The following SEC61A1 variants were observed in gnomAD, a reference collection of about 807,000 sequenced individuals.
SEC61A1 encodes the protein protein transport protein Sec61 subunit alpha isoform 1.
SEC61A1 carries 15 observed loss-of-function variants against 55.2 expected under a neutral mutation model. The ratio of observed to expected loss-of-function variants is 0.27; its 90% CI spans 0.18 to 0.42. The LOEUF (loss-of-function observed/expected upper bound fraction) is 0.42. Ranked by LOEUF, SEC61A1 falls within the 10% of genes least tolerant of loss-of-function variation. The pLI, the probability that SEC61A1 is intolerant of heterozygous loss-of-function variation, is 1.00. For missense variants in SEC61A1, 284 were observed against 602.6 expected, an observed-to-expected ratio of 0.47 and a Z score of 5.53; for synonymous variants, 247 against 234.0, an observed-to-expected ratio of 1.06 and a Z score of -0.51.
intron 8 of SEC61A1, among the ~76,000 whole-genome samples, chr3:128,065,769 C>G (rs6439111): frequency 0.64 from 86,710 of 136,170 alleles, 27,278 homozygotes; most frequent in East Asian, 0.81. Context: ...CGGAGTCTTG[C>G]TCTGTTGCCC....
chr3:128,064,952 G>A lies in SEC61A1; in HGVS notation c.692G>A (p.Arg231Gln), dbSNP rs1165057749. ...CGCACAGACAAGGTCCGAGCCCTTCGGGAGGCGTTCTACCGCCAGAATCTT... is the reference window on the plus strand; with the variant it reads ...CGCACAGACAAGGTCCGAGCCCTTCAGGAGGCGTTCTACCGCCAGAATCTT... ...ATRTDKVRAL[R>Q]EAFYRQNLPN... Residue 231 changes from arginine (R) to glutamine (Q), a missense_variant, in exon 8 of 12, where the codon CGG (arginine) becomes CAG (glutamine). By Grantham distance (43) the Arg-to-Gln change is conservative. Coordinates refer to ENST00000243253, the MANE Select transcript of SEC61A1 (RefSeq NM_013336.4). 5 of 1,614,182 alleles carry A rather than the reference G, an allele frequency of 3.1e-6. No homozygotes were observed. The highest frequency in any genetic ancestry group is 2.2e-5 in the East Asian group (1 of 44,888).
upstream of SEC61A1, chr3:128,051,662 C>A: frequency 1.4e-6 from 2 of 1,423,786 alleles, no homozygotes; most frequent in Non-Finnish European, 1.8e-6. Flanking sequence ...CATGCTTTGC[C>A]CACAACAGTC....
intron 6 of SEC61A1, 27 bp downstream of exon 6, chr3:128,060,238 T>C: frequency 6.8e-7 from 1 of 1,480,194 alleles, no homozygotes; most frequent in Non-Finnish European, 9.5e-7. Context: ...CATCTCCCTT[T>C]GAGTAGCCCC....
At chr3:128,063,332 C>T (rs568956208) in intron 7 of SEC61A1, among the ~76,000 whole-genome samples, 3 of 152,208 alleles carry the variant, frequency 2.0e-5, no homozygotes, top group East Asian at 3.9e-4. Flanking sequence ...AAATACAGTC[C>T]CTATTTGACT....
intron 6 of SEC61A1, 73 bp downstream of exon 6, chr3:128,060,284 A>G (rs1941833413): frequency 8.4e-7 from 1 of 1,194,418 alleles, no homozygotes; most frequent in Non-Finnish European, 1.2e-6. Context: ...AACGAATCTC[A>G]AGCACACCTA....
chr3:128,061,835 C>T (rs1204339459), intron 7 of SEC61A1, among the ~76,000 whole-genome samples: 2 of 152,084 alleles, frequency 1.3e-5, no homozygotes, highest in Admixed American at 1.3e-4. Flanking sequence ...TTGGGGAGTG[C>T]CTGAGTGGGA....
In SEC61A1 at chr3:128,060,194, C is replaced by T. The variant is rs1941832374; in HGVS notation, c.445C>T (p.Leu149=). The T allele has an allele frequency of 6.2e-7, 1 of 1,611,464 alleles. No individual in the cohort carries two copies. Among genetic ancestry groups the T allele is most frequent in the East Asian group, 2.2e-5 (1 of 44,864 alleles). Residue 149 remains leucine, a synonymous_variant, in exon 6 of 12, where the codon CTG becomes TTG. Coordinates refer to ENST00000243253, the MANE Select transcript of SEC61A1 (RefSeq NM_013336.4). ...TTCTGAAATGGGTGCTGGAATTTGC[C>T]TGCTAATCACCATTCAGGTAATTAT... The part of the protein sequence containing the change: ...DPSEMGAGIC[L]LITIQLFVAG...
At chr3:128,060,299 G>T in intron 6 of SEC61A1, 88 bp downstream of exon 6, 2 of 1,135,382 alleles carry the variant, frequency 1.8e-6, no homozygotes, top group South Asian at 1.3e-5. Context: ...CACCTAAAAG[G>T]AACTCCTACT....
chr3:128,066,206 A>G (rs1941973096), intron 8 of SEC61A1, among the ~76,000 whole-genome samples: 2 of 152,128 alleles, frequency 1.3e-5, no homozygotes, highest in Admixed American at 6.5e-5. Flanking sequence ...GTAAGGAACT[A>G]TTATAAGGTG....
In SEC61A1 at chr3:128,056,745, C is replaced by T. The variant is rs1559794732; in HGVS notation, c.257C>T (p.Thr86Met). 1 of 1,609,298 alleles carries T rather than the reference C, an allele frequency of 6.2e-7. No individual in the cohort carries two copies. The highest frequency in any genetic ancestry group is 8.5e-7 in the Non-Finnish European group (1 of 1,177,752). Residue 86 changes from threonine to methionine, a missense_variant, in exon 5 of 12, where the codon ACG becomes ATG. Physicochemically the swap from Thr to Met is moderately conservative, Grantham distance 81. Transcript: ENST00000243253. ...GAGCTAGGGATCTCTCCTATTGTCA[C>T]GTCTGGCCTTATAATGCAACTCTTG... The part of the protein sequence containing the change: ...LMELGISPIV[T>M]SGLIMQLLAG...
chr3:128,059,127 C>T (rs191697501), intron 5 of SEC61A1, among the ~76,000 whole-genome samples: 17 of 152,152 alleles, frequency 1.1e-4, no homozygotes, highest in African/African-American at 3.9e-4. Flanking sequence ...GTGTCCATTC[C>T]CTTGTGCCTA....
intron 1 of SEC61A1, 86 bp from the exon 2 acceptor site, chr3:128,052,749 C>T (rs750288179): frequency 2.3e-5 from 34 of 1,501,780 alleles, no homozygotes; most frequent in Non-Finnish European, 3.1e-5. Context: ...TGCTCTCACT[C>T]GTCGTGGGCA....
Position 128,067,838 on chromosome 3 carries a change from T to A in SEC61A1, c.1168-145T>A. On this transcript the variant is annotated intron_variant, in intron 10 of 11. Transcript: ENST00000243253. The surrounding 1 kb of genome is among the most constrained non-coding windows in gnomAD (Gnocchi z 4.1). ...CACTGTAAAGTTAGACTTTTTCATA[T>A]GACTTCCTTGCGGCAGTTTTAAAGT... 1.3e-6 allele frequency: 1 copy of A among 743,234 alleles called. No homozygotes were observed. Among genetic ancestry groups the A allele is most frequent in the Non-Finnish European group, 2.3e-6 (1 of 431,978 alleles). 46.0% of individuals were successfully genotyped at this position (743,234 alleles called of 1,614,324 possible).
At chr3:128,054,958 G>T (rs1941750882) in intron 2 of SEC61A1, among the ~76,000 whole-genome samples, 2 of 152,114 alleles carry the variant, frequency 1.3e-5, no homozygotes, top group African/African-American at 4.8e-5. Context: ...TTACTAGTAG[G>T]TTAAACATGC....
Position 128,052,550 on chromosome 3 carries a change from G to C in SEC61A1, c.-3G>C, listed in dbSNP as rs1244415609. 7 of 1,599,658 alleles carry C rather than the reference G, an allele frequency of 4.4e-6. No individual in the cohort carries two copies. Among genetic ancestry groups the C allele is most frequent in the Admixed American group, 3.4e-5 (2 of 58,094 alleles). The stretch of plus-strand genomic sequence containing the variant: ...GGGACCCGGAGCCCGAGCAGCCGCC[G>C]CCATGGCAAGTGAGTCCTGTAGGGA... On this transcript the variant is annotated 5_prime_UTR_variant, in exon 1 of 12. Transcript: ENST00000243253.
chr3:128,052,803 CA>C, intron 1 of SEC61A1, 31 bp from the exon 2 acceptor site: 1 of 1,596,476 alleles, frequency 6.3e-7, no homozygotes, highest in Admixed American at 1.7e-5. Context: ...CTCTGTGTCC[CA>C]ACTCTTCCTG....
upstream of SEC61A1, chr3:128,051,828 C>G (rs1244123775): frequency 3.9e-6 from 6 of 1,535,542 alleles, no homozygotes; most frequent in Non-Finnish European, 5.2e-6. Flanking sequence ...GAAACTCATC[C>G]CATTCGTTCT....
chr3:128,064,733 A>G (rs1399898898), intron 7 of SEC61A1, 144 bp from the exon 8 acceptor site: 2 of 643,438 alleles, frequency 3.1e-6, no homozygotes, highest in Admixed American at 5.9e-5. Context: ...TGAGAATAAT[A>G]CATGCTGTAT....
In SEC61A1 at chr3:128,060,534, A is replaced by G. The variant is rs2107644471; in HGVS notation, c.489A>G (p.Leu163=). 2 of 1,614,102 alleles carry G rather than the reference A, an allele frequency of 1.2e-6. No homozygotes were observed. The highest frequency in any genetic ancestry group is 1.7e-6 in the Non-Finnish European group (2 of 1,180,008). ...IQLFVAGLIV[L]LLDELLQKGY... is the part of the protein sequence containing the mutation. ...TCTTTGTTGCTGGCTTAATTGTCCT[A>G]CTTTTGGATGAACTCCTGCAAAAAG... is the stretch of plus-strand genomic sequence containing the variant. Residue 163 remains leucine, a synonymous_variant, in exon 7 of 12, where the codon CTA becomes CTG. Coordinates refer to ENST00000243253, the MANE Select transcript of SEC61A1 (RefSeq NM_013336.4).
Sources: gnomAD v4.1 joint callset for allele counts (sites outside exome capture counted in the v4.1 genomes callset) on GRCh38, gnomAD v4.1.1 for gene constraint, Gnocchi (gnomAD v3.1) non-coding constraint, MANE v1.5 for transcripts, NCBI Gene and HGNC (gene_info 2026-07-23, HGNC 2026-07-21) for gene names.